Variants in MERTK observed in about 807,000 individuals in gnomAD.
The protein encoded by MERTK is MER proto-oncogene, tyrosine kinase, also known as tyrosine-protein kinase Mer.
Under a neutral mutation model 99.3 loss-of-function variants are expected in MERTK, and 69 were observed. The ratio of observed to expected loss-of-function variants is 0.70; its 90% confidence interval spans 0.57 to 0.85. The LOEUF is 0.85. MERTK is among the 40% of genes least tolerant of loss of function. The probability of loss-of-function intolerance (pLI) is 0.00; values close to 1 mark genes in which losing one functional copy is unlikely to be tolerated. For synonymous variants in MERTK, 426 were observed against 467.6 expected, an observed-to-expected ratio of 0.91 and a Z score of 1.15; for missense variants, 1,125 against 1,249.4, an observed-to-expected ratio of 0.90 and a Z score of 1.50.
intron 4 of MERTK, among the ~76,000 whole-genome samples, chr2:111,955,456 G>A (rs909553631): frequency 6.6e-6 from 1 of 152,142 alleles, no homozygotes; most frequent in East Asian, 1.9e-4. Context: ...GTTCTATAAG[G>A]GGGTAGAAGA....
At chr2:111,954,608 G>T (rs1194658715) in intron 4 of MERTK, among the ~76,000 whole-genome samples, 1 of 152,170 alleles carries the variant, frequency 6.6e-6, no homozygotes, top group East Asian at 1.9e-4. Context: ...CTGGGACAAA[G>T]GGACATCATG....
At chr2:112,015,300 A>G (rs1228929865) in intron 15 of MERTK, among the ~76,000 whole-genome samples, 3 of 152,228 alleles carry the variant, frequency 2.0e-5, no homozygotes, top group African/African-American at 7.2e-5. Context: ...GTGTGTGAGA[A>G]ATGCAGTGCT....
chr2:111,961,805 T>C (rs1488377299), intron 4 of MERTK, among the ~76,000 whole-genome samples: 1 of 152,192 alleles, frequency 6.6e-6, no homozygotes, highest in African/African-American at 2.4e-5. Context: ...GGATCAGACA[T>C]GCATTTTTTC....
Position 112,019,475 on chromosome 2 carries a change from G to A in MERTK, c.2142G>A (p.Leu714=). 1 of 1,613,998 alleles carries A rather than the reference G, an allele frequency of 6.2e-7. No homozygotes were observed. The highest frequency in any genetic ancestry group is 8.5e-7 in the Non-Finnish European group (1 of 1,179,910). ...ATATTGCCCTGGGAATGGAGTATCT[G>A]AGCAACAGGAATTTTCTTCATCGAG... is the stretch of plus-strand genomic sequence containing the variant. ...MVDIALGMEY[L]SNRNFLHRDL... is the part of the protein sequence containing the mutation. The change falls in exon 16 of 19, where the codon CTG becomes CTA. Residue 714 remains leucine (L), a synonymous_variant. Transcript: ENST00000295408.
intron 6 of MERTK, 84 bp from the exon 7 acceptor site, chr2:111,975,205 C>T: frequency 3.8e-6 from 5 of 1,327,312 alleles, no homozygotes; most frequent in East Asian, 2.3e-5. Flanking sequence ...GGAAGGGCCA[C>T]GTGCACCGAA....
At chr2:111,968,040 G>A (rs532174023) in intron 5 of MERTK, 97 bp from the exon 6 acceptor site, 13 of 874,202 alleles carry the variant, frequency 1.5e-5, no homozygotes, top group African/African-American at 6.6e-5. Context: ...CTCAAGGAAC[G>A]AAAACAGGTA....
At chr2:111,913,534 A>G (rs1289232614) in intron 1 of MERTK, among the ~76,000 whole-genome samples, 1 of 151,928 alleles carries the variant, frequency 6.6e-6, no homozygotes, top group African/African-American at 2.4e-5. Flanking sequence ...ATTCCTTGGA[A>G]TTTTCTTTTT....
intron 11 of MERTK, 100 bp from the exon 12 acceptor site, chr2:112,002,992 A>G: frequency 1.5e-6 from 1 of 688,020 alleles, no homozygotes; most frequent in East Asian, 2.9e-5. Context: ...ATAAATAAAT[A>G]AGGAATGTTT....
chr2:111,929,837 G>A (rs561159228), intron 2 of MERTK, among the ~76,000 whole-genome samples: 37 of 152,038 alleles, frequency 2.4e-4, no homozygotes, highest in African/African-American at 8.7e-4. Context: ...CTGACCTTGG[G>A]TGATCCGGCC....
chr2:111,929,753 ATTTTTT>A (rs72180817), intron 2 of MERTK, among the ~76,000 whole-genome samples: 37 of 143,306 alleles, frequency 2.6e-4, no homozygotes, highest in African/African-American at 9.8e-4. Flanking sequence ...CACCCAGCTA[ATTTTTT>A]TTTTTTTTTT....
At chr2:111,948,307 C>T (rs2104705378) in intron 4 of MERTK, among the ~76,000 whole-genome samples, 1 of 152,316 alleles carries the variant, frequency 6.6e-6, no homozygotes, top group South Asian at 2.1e-4. Context: ...GACACCAATT[C>T]ATTGCTCCTC....
intron 4 of MERTK, among the ~76,000 whole-genome samples, chr2:111,950,256 T>G (rs1035396873): frequency 6.6e-6 from 1 of 152,208 alleles, no homozygotes; most frequent in African/African-American, 2.4e-5. Flanking sequence ...TTTTTATTGC[T>G]GATATAGTAC....
chr2:111,946,537 T>C (rs1451122782), intron 3 of MERTK, among the ~76,000 whole-genome samples: 2 of 152,170 alleles, frequency 1.3e-5, no homozygotes, highest in African/African-American at 2.4e-5. Flanking sequence ...GTACGGTAGA[T>C]TTAAGGATTG....
chr2:111,986,435 G>A (rs1573621324), intron 8 of MERTK, among the ~76,000 whole-genome samples: 1 of 152,212 alleles, frequency 6.6e-6, no homozygotes, highest in African/African-American at 2.4e-5. Flanking sequence ...AGAAAATAGT[G>A]ATTACCAGCA....
At chr2:111,937,281 C>CA (rs1684780633) in intron 2 of MERTK, among the ~76,000 whole-genome samples, 2 of 138,472 alleles carry the variant, frequency 1.4e-5, no homozygotes, top group African/African-American at 5.5e-5. Flanking sequence ...CCCATTGCTA[C>CA]AAAAAATTAA....
At chr2:111,933,997 T>A (rs1684721855) in intron 2 of MERTK, among the ~76,000 whole-genome samples, 1 of 151,968 alleles carries the variant, frequency 6.6e-6, no homozygotes, top group Non-Finnish European at 1.5e-5. Flanking sequence ...CCTGTGTTAG[T>A]TTGCTGAGAA....
chr2:112,004,393 C>G (rs549389630), intron 13 of MERTK, among the ~76,000 whole-genome samples: 4 of 152,252 alleles, frequency 2.6e-5, no homozygotes, highest in South Asian at 4.1e-4. Flanking sequence ...GGTGGGGCCA[C>G]TTCCTCATTT....
At chr2:111,975,106 T>C (rs1228316711) in intron 6 of MERTK, among the ~76,000 whole-genome samples, 183 bp from the exon 7 acceptor site, 1 of 152,218 alleles carries the variant, frequency 6.6e-6, no homozygotes, top group East Asian at 1.9e-4. Flanking sequence ...GTTCAGTTAT[T>C]GTCCGAGGGC....
chr2:111,949,391 G>T (rs1354237087), intron 4 of MERTK, among the ~76,000 whole-genome samples: 1 of 152,074 alleles, frequency 6.6e-6, no homozygotes, highest in Non-Finnish European at 1.5e-5. Context: ...GTAAGTGAAT[G>T]CCAGCCCCTA....
Sources: gnomAD v4.1 joint callset for allele counts (sites outside exome capture counted in the v4.1 genomes callset) on GRCh38, gnomAD v4.1.1 for gene constraint, MANE v1.5 for transcripts, NCBI Gene and HGNC (gene_info 2026-07-23, HGNC 2026-07-21) for gene names.